NREP: variants seen among roughly 807,000 people sequenced by gnomAD.
NREP encodes the protein neuronal regeneration related protein.
In NREP, 5 loss-of-function variants were observed where a neutral mutation model predicts 8.6. That is an observed-to-expected ratio of 0.58 (90% confidence interval 0.30 to 1.22). NREP has a LOEUF of 1.22. Among genes scored for constraint, NREP ranks in the 50% most tolerant of loss-of-function variants. NREP has a pLI of 0.07. For missense variants in NREP, 86 were observed against 82.5 expected, an observed-to-expected ratio of 1.04 and a Z score of -0.17; for synonymous variants, 27 against 28.0, an observed-to-expected ratio of 0.96 and a Z score of 0.11.
At chr5:111,934,968 G>A (rs1425260553) in intron 2 of NREP, among the ~76,000 whole-genome samples, 5 of 149,946 alleles carry the variant, frequency 3.3e-5, no homozygotes, top group African/African-American at 9.7e-5. Context: ...ATCCAGATCC[G>A]AAACATAGTA....
intron 2 of NREP, among the ~76,000 whole-genome samples, chr5:111,801,451 C>T (rs1752005060): frequency 6.6e-6 from 1 of 152,172 alleles, no homozygotes; most frequent in African/African-American, 2.4e-5. Context: ...TCTGTATTCA[C>T]CAATCACTTA....
At chr5:111,956,086 G>A (rs1242754394) in intron 2 of NREP, among the ~76,000 whole-genome samples, 1 of 151,946 alleles carries the variant, frequency 6.6e-6, no homozygotes. Context: ...ACAAACCTAA[G>A]AAGTTGCCAA....
At chr5:111,829,936 A>T (rs1259738094) in intron 2 of NREP, among the ~76,000 whole-genome samples, 1 of 152,186 alleles carries the variant, frequency 6.6e-6, no homozygotes, top group Non-Finnish European at 1.5e-5. Context: ...CTGGGTGTAC[A>T]GTGCTGATGA....
chr5:111,961,349 A>G (rs1293052747), intron 2 of NREP, among the ~76,000 whole-genome samples: 5 of 152,244 alleles, frequency 3.3e-5, no homozygotes, highest in African/African-American at 1.2e-4. Flanking sequence ...TAAGCAGCAC[A>G]AAATGCAGTA....
chr5:111,759,012 G>C (rs1347321492), upstream of NREP, among the ~76,000 whole-genome samples: 1 of 152,182 alleles, frequency 6.6e-6, no homozygotes, highest in Non-Finnish European at 1.5e-5. Context: ...CCATAGCTAG[G>C]AACAAAGGGA....
intron 2 of NREP, among the ~76,000 whole-genome samples, chr5:111,894,913 A>G (rs1451431000): frequency 6.6e-6 from 1 of 152,202 alleles, no homozygotes; most frequent in Admixed American, 6.5e-5. Flanking sequence ...CAATTATAAA[A>G]CATTTAATCA....
At chr5:111,890,796 T>C (rs1332338331) in intron 2 of NREP, among the ~76,000 whole-genome samples, 1 of 152,110 alleles carries the variant, frequency 6.6e-6, no homozygotes, top group Non-Finnish European at 1.5e-5. Context: ...GGTAGCAGGG[T>C]CCTGGGCCTG....
intron 2 of NREP, among the ~76,000 whole-genome samples, chr5:111,834,169 T>C (rs1192212458): frequency 5.9e-5 from 9 of 152,328 alleles, no homozygotes; most frequent in African/African-American, 2.2e-4. Context: ...CTACTGCTAT[T>C]GCCATGAGTA....
intron 2 of NREP, among the ~76,000 whole-genome samples, chr5:111,841,293 G>A (rs773124429): frequency 5.3e-5 from 8 of 152,140 alleles, no homozygotes; most frequent in Non-Finnish European, 1.0e-4. Flanking sequence ...GTCAAGGGTT[G>A]CCCCATGAAT....
chr5:111,737,588 T>TAAC (rs1749242818), intron 2 of NREP, among the ~76,000 whole-genome samples: 1 of 152,214 alleles, frequency 6.6e-6, no homozygotes, highest in South Asian at 2.1e-4. Context: ...GACACTGCTT[T>TAAC]AACATTTAAC....
chr5:111,838,020 C>T (rs1752937927), intron 2 of NREP, among the ~76,000 whole-genome samples: 1 of 151,942 alleles, frequency 6.6e-6, no homozygotes, highest in African/African-American at 2.4e-5. Flanking sequence ...ACAGAAAATA[C>T]AGGGGTTAGA....
intron 2 of NREP, among the ~76,000 whole-genome samples, chr5:111,867,535 G>T (rs1753696122): frequency 6.6e-6 from 1 of 152,064 alleles, no homozygotes; most frequent in Non-Finnish European, 1.5e-5. Flanking sequence ...CAAATATTGT[G>T]TGAGATCTTG....
intron 2 of NREP, among the ~76,000 whole-genome samples, chr5:111,897,966 G>A (rs1380535988): frequency 6.6e-6 from 1 of 152,066 alleles, no homozygotes; most frequent in African/African-American, 2.4e-5. Flanking sequence ...AATAGCAAAA[G>A]TATTCAAGTC....
At chr5:111,840,493 ACT>A (rs1337283931) in intron 2 of NREP, among the ~76,000 whole-genome samples, 2 of 152,040 alleles carry the variant, frequency 1.3e-5, no homozygotes, top group African/African-American at 4.8e-5. Context: ...GAATAAACAA[ACT>A]CTCATTAGAG....
chr5:111,769,695 G>A (rs1232222526), intron 2 of NREP, among the ~76,000 whole-genome samples: 1 of 152,208 alleles, frequency 6.6e-6, no homozygotes, highest in East Asian at 1.9e-4. Flanking sequence ...TATAGCAGAA[G>A]GCGAAGGGGA....
intron 2 of NREP, among the ~76,000 whole-genome samples, chr5:111,788,342 A>T (rs1469055162): frequency 6.6e-6 from 1 of 152,220 alleles, no homozygotes; most frequent in Non-Finnish European, 1.5e-5. Flanking sequence ...TCTCTCATAC[A>T]TACAAATATT....
intron 2 of NREP, among the ~76,000 whole-genome samples, chr5:111,752,447 G>A (rs190853569): frequency 1.3e-5 from 2 of 152,178 alleles, no homozygotes; most frequent in Non-Finnish European, 2.9e-5. Context: ...CCACAATCAA[G>A]AGTCACTGAG....
At chr5:111,796,997 T>G (rs1420164591) in intron 2 of NREP, among the ~76,000 whole-genome samples, 2 of 152,000 alleles carry the variant, frequency 1.3e-5, no homozygotes, top group African/African-American at 2.4e-5. Flanking sequence ...CTAAGAGGAA[T>G]AGTGGAGTCT....
At chr5:111,895,304 C>T (rs1754481991) in intron 2 of NREP, among the ~76,000 whole-genome samples, 1 of 152,102 alleles carries the variant, frequency 6.6e-6, no homozygotes, top group Non-Finnish European at 1.5e-5. Context: ...AAGGGACAGA[C>T]AAAATCTCAG....
Sources: gnomAD v4.1 joint callset for allele counts (sites outside exome capture counted in the v4.1 genomes callset) on GRCh38, gnomAD v4.1.1 for gene constraint, MANE v1.5 for transcripts, NCBI Gene and HGNC (gene_info 2026-07-23, HGNC 2026-07-21) for gene names.